Variants in DSN1 observed in about 807,000 individuals in gnomAD.
The protein encoded by DSN1 is kinetochore-associated protein DSN1 homolog.
Under a neutral mutation model 45.7 loss-of-function variants are expected in DSN1, and 31 were observed. That is an observed-to-expected ratio of 0.68 (90% CI 0.51 to 0.92). The LOEUF is 0.92. Ranked by LOEUF, DSN1 falls within the 40% of genes least tolerant of loss-of-function variation. DSN1 has a pLI of 0.00. For missense variants in DSN1, 394 were observed against 414.2 expected, an observed-to-expected ratio of 0.95 and a Z score of 0.42; for synonymous variants, 134 against 142.3, an observed-to-expected ratio of 0.94 and a Z score of 0.41.
intron 5 of DSN1, among the ~76,000 whole-genome samples, chr20:36,762,979 C>A (rs1325207613): frequency 6.6e-6 from 1 of 152,168 alleles, no homozygotes; most frequent in South Asian, 2.1e-4. Context: ...GTCTCCAGTT[C>A]CTTGGCTCCA....
At chr20:36,772,845 C>T (rs187270206) in intron 1 of DSN1, among the ~76,000 whole-genome samples, 1 of 152,348 alleles carries the variant, frequency 6.6e-6, no homozygotes, top group Admixed American at 6.5e-5. Flanking sequence ...GTAGCATTGG[C>T]TATAAAATCT....
chr20:36,757,223 G>A (rs1171271263), intron 8 of DSN1, among the ~76,000 whole-genome samples: 2 of 152,122 alleles, frequency 1.3e-5, no homozygotes, highest in African/African-American at 4.8e-5. Flanking sequence ...GGGTGTGGTG[G>A]AGCATGCCTG....
Position 36,766,966 on chromosome 20 carries a change from A to G in DSN1, c.430-125T>C, listed in dbSNP as rs1987373223. 4.9e-6 allele frequency: 3 copies of G among 615,332 alleles called. No individual in the cohort carries two copies. The African/African-American group carries it at 5.8e-5, about 12-fold the overall frequency. 38.1% of individuals were successfully genotyped at this position (615,332 alleles called of 1,614,324 possible). A position where few individuals can be genotyped will look rare whatever the true frequency, so the allele number is the denominator to read the frequency against. On this transcript the variant is annotated intron_variant, in intron 4 of 10. Transcript: ENST00000373750. ...ACTAAATATGATGTAATTTTTACACATAAGACTTTTCACAGAAACAAATAA... is the reference window on the plus strand; with the variant it reads ...ACTAAATATGATGTAATTTTTACACGTAAGACTTTTCACAGAAACAAATAA...
At chr20:36,756,813 C>G (rs1190033010) in intron 8 of DSN1, among the ~76,000 whole-genome samples, 3 of 152,158 alleles carry the variant, frequency 2.0e-5, no homozygotes, top group Non-Finnish European at 4.4e-5. Flanking sequence ...AAGATTTTAT[C>G]TGAAACTAGC....
At position 36,752,563 on chromosome 20, in the gene DSN1, G is replaced by T. The variant is rs973957649; in HGVS notation, c.*225C>A. 1.6e-4 allele frequency: 69 copies of T among 424,192 alleles called. No homozygotes were observed. The highest frequency in any genetic ancestry group is 1.1e-3 in the African/African-American group (56 of 48,872). 26.3% of individuals were successfully genotyped at this position (424,192 alleles called of 1,614,324 possible). A position where few individuals can be genotyped will look rare whatever the true frequency, so the allele number is the denominator to read the frequency against. ...ATCTGAAGATCATTTCAAAAAAGAAGTTTGAACTTTCAAGCATTTTGCACA... is the reference window on the plus strand; with the variant it reads ...ATCTGAAGATCATTTCAAAAAAGAATTTTGAACTTTCAAGCATTTTGCACA... On this transcript the variant is annotated 3_prime_UTR_variant, in exon 11 of 11. Transcript: ENST00000373750.
rs1421648565 is a variant in DSN1 at position 36,770,956 on chromosome 20, T to C, written c.272A>G (p.Asp91Gly). 2 of 1,614,200 alleles carry C rather than the reference T, an allele frequency of 1.2e-6. No homozygotes were observed. The stretch of plus-strand genomic sequence containing the variant: ...TGCTCGCCGCCAGGATTGCCTCCTG[T>C]CTTGATAACTGGCAGATTGTTCTTG... ...SPQEQSASYQ[D>G]RRQSWRRASM... The change falls in exon 3 of 11, where the codon GAC (aspartate) becomes GGC (glycine). Residue 91 changes from aspartate (D) to glycine (G), a missense_variant. Physicochemically the swap from Asp to Gly is moderately conservative, Grantham distance 94 (BLOSUM62 -1). Transcript: ENST00000373750.
intron 2 of DSN1, 61 bp downstream of exon 2, chr20:36,771,364 G>T: frequency 6.4e-7 from 1 of 1,558,164 alleles, no homozygotes; most frequent in South Asian, 1.1e-5. Context: ...GGAAAGATTT[G>T]GGTATAGCTC....
intron 6 of DSN1, among the ~76,000 whole-genome samples, chr20:36,761,514 G>A (rs797003341): frequency 1.8e-4 from 27 of 151,778 alleles, no homozygotes; most frequent in African/African-American, 5.8e-4. Context: ...CAGGAGGATC[G>A]CTTGAGCCCA....
At position 36,766,843 on chromosome 20, in the gene DSN1, TA is replaced by T; in HGVS notation, c.430-3del. The T allele has an allele frequency of 6.3e-7, 1 of 1,589,830 alleles. No homozygotes were observed. Among genetic ancestry groups the T allele is most frequent in the Non-Finnish European group, 8.5e-7 (1 of 1,172,726 alleles). On this transcript the variant is annotated splice_polypyrimidine_tract_variant and splice_region_variant and intron_variant, in intron 4 of 10. Transcript: ENST00000373750. ...AGGTTCAAGTTTCTGAATAGAGAAC[TA>T]AATAAAGAAAAGCATTTTTAGTACA...
At position 36,762,182 on chromosome 20, in the gene DSN1, T is replaced by C. The variant is rs1305125270; in HGVS notation, c.590+279A>G. On this transcript the variant is annotated intron_variant, in intron 6 of 10. Transcript: ENST00000373750. Reference sequence around the variant, plus strand: ...AGTGCAGGGGCGCGATCTTGGCTCATTGCAAGCTCCGCATACCGGGTTCAT... The same window carrying C: ...AGTGCAGGGGCGCGATCTTGGCTCACTGCAAGCTCCGCATACCGGGTTCAT... Among the ~76,000 whole-genome samples the C allele has an allele frequency of 2.0e-5, 3 of 147,906 alleles. No homozygotes were observed. Among genetic ancestry groups the C allele is most frequent in the Admixed American group, 6.8e-5 (1 of 14,738 alleles).
Position 36,752,711 on chromosome 20 carries a change from C to T in DSN1, c.*77G>A. 1.7e-6 allele frequency: 2 copies of T among 1,185,072 alleles called. No individual in the cohort carries two copies. Among genetic ancestry groups the T allele is most frequent in the East Asian group, 2.4e-5 (1 of 42,534 alleles). The allele number at this position is 1,185,072 out of a possible 1,614,324, so 73.4% of individuals were successfully genotyped here. On this transcript the variant is annotated 3_prime_UTR_variant, in exon 11 of 11. Coordinates refer to ENST00000373750, the MANE Select transcript of DSN1 (RefSeq NM_001145315.2). The stretch of plus-strand genomic sequence containing the variant: ...ATCTTCAAAGGCAACGAGCAGAAAT[C>T]ACGCAGTCACCACGTGCTGGGGCAC...
In DSN1 at chr20:36,771,469, A is replaced by G. The variant is rs775390196; in HGVS notation, c.-11T>C. ...AGTCACTGAAGTCATCCTAGGTGGT[A>G]AACTCTGAAAATAGGAAAATGGAAG... On this transcript the variant is annotated 5_prime_UTR_variant, in exon 2 of 11. Coordinates refer to ENST00000373750, the MANE Select transcript of DSN1 (RefSeq NM_001145315.2). The G allele has an allele frequency of 6.2e-6, 10 of 1,613,426 alleles. No individual in the cohort carries two copies. The South Asian group carries it at 9.9e-5, about 16-fold the overall frequency.
chr20:36,753,635 C>CAAA (rs1290145844), intron 10 of DSN1, among the ~76,000 whole-genome samples: 4 of 49,886 alleles, frequency 8.0e-5, no homozygotes, highest in African/African-American at 2.9e-4. Flanking sequence ...GAGACTGTCT[C>CAAA]AAAAAAAAAA....
chr20:36,754,729 C>A (rs1202030516), intron 10 of DSN1, 34 bp downstream of exon 10: 3 of 1,592,120 alleles, frequency 1.9e-6, no homozygotes, highest in East Asian at 2.2e-5. Flanking sequence ...TGGAAAACAG[C>A]CTGAACTCTG....
intron 8 of DSN1, among the ~76,000 whole-genome samples, chr20:36,757,084 T>C (rs2425275): frequency 0.062 from 9,515 of 152,254 alleles, 1,036 homozygotes; most frequent in African/African-American, 0.22. Context: ...GGCCAGGTGC[T>C]GTGGCTTACA....
intron 6 of DSN1, among the ~76,000 whole-genome samples, chr20:36,759,151 T>C (rs1986837861): frequency 6.6e-6 from 1 of 151,916 alleles, no homozygotes; most frequent in Non-Finnish European, 1.5e-5. Flanking sequence ...CCTAGCTAAT[T>C]TTTGTATTTT....
At position 36,771,436 on chromosome 20, in the gene DSN1, T is replaced by C. The variant is rs77183656; in HGVS notation, c.23A>G (p.Glu8Gly). Reference protein sequence around the residue: MTSVTRSEIIDEKGPVMS... With the variant: MTSVTRSGIIDEKGPVMS... ...ACTACAATACTTACCATCTATGATC[T>C]CTGATCTAGTCACTGAAGTCATCCT... Residue 8 changes from glutamate (E) to glycine (G), a missense_variant, in exon 2 of 11, where the codon GAG (glutamate) becomes GGG (glycine). Transcript: ENST00000373750. 6.2e-7 allele frequency: 1 copy of C among 1,613,894 alleles called. No individual in the cohort carries two copies. Among genetic ancestry groups the C allele is most frequent in the East Asian group, 2.2e-5 (1 of 44,888 alleles).
chr20:36,755,515 T>C (rs1986620941), intron 9 of DSN1, among the ~76,000 whole-genome samples, 167 bp downstream of exon 9: 2 of 151,972 alleles, frequency 1.3e-5, no homozygotes. Flanking sequence ...TACCACTATA[T>C]ATTCATTTGT....
chr20:36,755,627 G>A, intron 9 of DSN1, 55 bp downstream of exon 9: 1 of 1,575,650 alleles, frequency 6.3e-7, no homozygotes, highest in South Asian at 1.2e-5. Context: ...AATTTCCAAG[G>A]ATTACAAGGT....
Sources: gnomAD v4.1 joint callset for allele counts (sites outside exome capture counted in the v4.1 genomes callset) on GRCh38, gnomAD v4.1.1 for gene constraint, MANE v1.5 for transcripts, NCBI Gene and HGNC (gene_info 2026-07-23, HGNC 2026-07-21) for gene names.